The following ADAMTS19 variants were observed in gnomAD, a reference collection of about 807,000 sequenced individuals.
ADAMTS19 encodes the protein ADAM metallopeptidase with thrombospondin type 1 motif 19, also known as A disintegrin and metalloproteinase with thrombospondin motifs 19.
Under a neutral mutation model 153.3 loss-of-function variants are expected in ADAMTS19, and 93 were observed. The observed-to-expected ratio is 0.61, with a 90% CI of 0.51 to 0.72. The LOEUF (loss-of-function observed/expected upper bound fraction) is 0.72. Ranked by LOEUF, ADAMTS19 falls within the 30% of genes least tolerant of loss-of-function variation. The pLI, the probability that ADAMTS19 is intolerant of heterozygous loss-of-function variation, is 0.00. For synonymous variants in ADAMTS19, 600 were observed against 556.6 expected (o/e 1.08, Z -1.10); for missense variants, 1,482 against 1,552.1 (o/e 0.95, Z 0.76).
intron 15 of ADAMTS19, among the ~76,000 whole-genome samples, chr5:129,662,352 G>C (rs1561634908): frequency 6.6e-6 from 1 of 152,164 alleles, no homozygotes; most frequent in Non-Finnish European, 1.5e-5. Context: ...TTCTAAGTCA[G>C]TACACTGCTA....
At position 129,526,316 on chromosome 5, in the gene ADAMTS19, G is replaced by C; in HGVS notation, c.946G>C (p.Glu316Gln). 1.3e-6 allele frequency: 2 copies of C among 1,592,688 alleles called. No homozygotes were observed. The highest frequency in any genetic ancestry group is 4.6e-5 in the East Asian group (2 of 43,268). Reference sequence around the variant, plus strand: ...AAGACCTAGGTCTAGAAAAATAGCAGAAAGTGGAAGAGGGAAACGATATTC... The same window carrying C: ...AAGACCTAGGTCTAGAAAAATAGCACAAAGTGGAAGAGGGAAACGATATTC... ...KGRPRSRKIA[E>Q]SGRGKRYSYK... The change falls in exon 4 of 23, where the codon GAA becomes CAA. Residue 316 changes from glutamate (E) to glutamine (Q), a missense_variant. Glu to Gln is a conservative substitution (Grantham distance 29, BLOSUM62 2). This residue lies in a region of ADAMTS19 where 866 missense variants were observed against 827.7 expected (regional missense o/e 1.05). Transcript: ENST00000274487.
chr5:129,472,256 G>GA (rs1427074803), intron 2 of ADAMTS19, among the ~76,000 whole-genome samples: 1 of 152,184 alleles, frequency 6.6e-6, no homozygotes, highest in African/African-American at 2.4e-5. Context: ...TGGCTGGTGT[G>GA]AGATGGTATC....
chr5:129,728,445 A>G (rs557769656), intron 21 of ADAMTS19, among the ~76,000 whole-genome samples: 93 of 152,080 alleles, frequency 6.1e-4, no homozygotes, highest in Non-Finnish European at 1.2e-3. Context: ...CGTTCAGGAC[A>G]TAGGCATGGG....
intron 18 of ADAMTS19, among the ~76,000 whole-genome samples, chr5:129,684,559 G>C (rs1164066918): frequency 1.5e-5 from 2 of 129,134 alleles, no homozygotes; most frequent in African/African-American, 5.5e-5. Flanking sequence ...TAATATATTT[G>C]TTTACAGGGG....
rs1186256526 is a variant in ADAMTS19, at chr5:129,622,282, A to G, written c.1704A>G (p.Thr568=). The change falls in exon 10 of 23, where the codon ACA becomes ACG. Residue 568 remains threonine, a synonymous_variant. Coordinates refer to ENST00000274487, the MANE Select transcript of ADAMTS19 (RefSeq NM_133638.6). ...TTCCCTCCAAGCTGCCAGGGATGAC[A>G]TACACTGCTGATGAACAATGCCAGA... The part of the protein sequence containing the change: ...VMVPSKLPGM[T]YTADEQCQIL... 1 of 1,614,006 alleles carries G rather than the reference A, an allele frequency of 6.2e-7. No individual in the cohort carries two copies. The highest frequency in any genetic ancestry group is 1.3e-5 in the African/African-American group (1 of 74,926).
At chr5:129,582,604 ACT>A (rs1268995989) in intron 7 of ADAMTS19, among the ~76,000 whole-genome samples, 10 of 151,816 alleles carry the variant, frequency 6.6e-5, no homozygotes, top group South Asian at 4.2e-4. Context: ...ACGGAGTCTC[ACT>A]CTGTTGCCCA....
At position 129,509,178 on chromosome 5, in the gene ADAMTS19, G is replaced by T. The variant is rs747855580; in HGVS notation, c.849G>T (p.Arg283Ser). The T allele has an allele frequency of 1.2e-6, 2 of 1,612,196 alleles. No individual in the cohort carries two copies. The highest frequency in any genetic ancestry group is 3.3e-5 in the Admixed American group (2 of 59,820). ...GHPHRVYRQK[R>S]SMEEKVTEKS... ...CACACCGTGTATATAGGCAGAAAAG[G>T]TCCATGGAGGAAAAGGTCACAGAGA... Residue 283 changes from arginine to serine, a missense_variant, in exon 3 of 23, where the codon AGG (arginine) becomes AGT (serine). Arg to Ser is a moderately radical substitution (Grantham distance 110). Around this residue, in one of 2 missense-constraint regions of ADAMTS19, gnomAD observed 866 missense variants for 827.7 expected, o/e 1.05. Coordinates refer to ENST00000274487, the MANE Select transcript of ADAMTS19 (RefSeq NM_133638.6).
At chr5:129,609,483 C>A (rs1751093304) in intron 8 of ADAMTS19, among the ~76,000 whole-genome samples, 2 of 152,094 alleles carry the variant, frequency 1.3e-5, no homozygotes, top group Non-Finnish European at 2.9e-5. Flanking sequence ...ACTGGCCTTT[C>A]ATTTTTCTGT....
chr5:129,548,084 C>T (rs1328881708), intron 6 of ADAMTS19, among the ~76,000 whole-genome samples: 2 of 150,542 alleles, frequency 1.3e-5, no homozygotes, highest in Non-Finnish European at 2.9e-5. Flanking sequence ...AGAAGAAAAC[C>T]TAGGCAATAC....
At chr5:129,688,007 G>C (rs1310289630) in intron 18 of ADAMTS19, 1 of 152,100 alleles carries the variant, frequency 6.6e-6, no homozygotes, top group African/African-American at 2.4e-5. Context: ...TTAGTCAACA[G>C]TTTTCGATTA....
intron 7 of ADAMTS19, among the ~76,000 whole-genome samples, chr5:129,572,437 C>T (rs185413589): frequency 6.5e-4 from 99 of 151,948 alleles, no homozygotes; most frequent in Non-Finnish European, 9.7e-4. Flanking sequence ...TTCAAAAAAA[C>T]GAAAACTTAC....
chr5:129,526,624 C>G, intron 4 of ADAMTS19, 168 bp downstream of exon 4: 3 of 573,798 alleles, frequency 5.2e-6, no homozygotes, highest in Non-Finnish European at 5.5e-6. Context: ...ATCTCAAAAG[C>G]AATATCAAAA....
chr5:129,465,386 T>A lies in ADAMTS19; in HGVS notation c.747+3629T>A, dbSNP rs533476775. Among the ~76,000 whole-genome samples the A allele has an allele frequency of 7.2e-5, 11 of 151,750 alleles. No individual in the cohort carries two copies. The South Asian group carries it at 2.3e-3, about 32-fold the overall frequency. ...TATATTAGTATATACCTGGCCTATT[T>A]TTTTTTTAATGGACTATTGACATGG... On this transcript the variant is annotated intron_variant, in intron 2 of 22. Transcript: ENST00000274487.
intron 8 of ADAMTS19, among the ~76,000 whole-genome samples, chr5:129,615,266 G>A (rs1223956683): frequency 1.3e-5 from 2 of 151,742 alleles, no homozygotes; most frequent in Non-Finnish European, 2.9e-5. Flanking sequence ...GTATTCTAAT[G>A]GAAAGGAACT....
chr5:129,558,707 T>C (rs1753398697), intron 7 of ADAMTS19, among the ~76,000 whole-genome samples: 1 of 152,012 alleles, frequency 6.6e-6, no homozygotes, highest in African/African-American at 2.4e-5. Context: ...GAAGAAAGAA[T>C]ATGGGAAGGA....
intron 2 of ADAMTS19, among the ~76,000 whole-genome samples, chr5:129,508,798 C>T (rs1751343456): frequency 6.6e-6 from 1 of 151,984 alleles, no homozygotes; most frequent in East Asian, 1.9e-4. Flanking sequence ...GAGCCTTTAA[C>T]ATTCCAAAAT....
chr5:129,460,707 G>C, intron 1 of ADAMTS19: 1 of 601,338 alleles, frequency 1.7e-6, no homozygotes, highest in Non-Finnish European at 2.9e-6. Context: ...TCTAATTAGA[G>C]CAATAATATT....
chr5:129,709,524 T>C (rs531523503), intron 21 of ADAMTS19, among the ~76,000 whole-genome samples: 1 of 152,280 alleles, frequency 6.6e-6, no homozygotes, highest in Admixed American at 6.5e-5. Context: ...GTTAGCACTC[T>C]AATTGTTTAA....
At chr5:129,504,601 T>G (rs1318524434) in intron 2 of ADAMTS19, among the ~76,000 whole-genome samples, 1 of 152,120 alleles carries the variant, frequency 6.6e-6, no homozygotes, top group Non-Finnish European at 1.5e-5. Context: ...AGTAAATCTC[T>G]TGAAGTTATT....
Sources: allele counts gnomAD v4.1 joint callset (sites outside exome capture counted in the v4.1 genomes callset), GRCh38; gene constraint gnomAD v4.1.1; regional missense constraint gnomAD v4.1.1; transcripts MANE v1.5; gene names NCBI Gene and HGNC (gene_info 2026-07-23, HGNC 2026-07-21).